Variants in USP6NL observed in about 807,000 individuals in gnomAD.
The protein encoded by USP6NL is USP6 N-terminal like, also known as USP6 N-terminal-like protein.
USP6NL carries 26 observed loss-of-function variants against 61.9 expected under a neutral mutation model. The observed-to-expected ratio is 0.42, with a 90% CI of 0.31 to 0.58. The LOEUF (loss-of-function observed/expected upper bound fraction) is 0.58, where lower values mean the gene tolerates loss of function less well. USP6NL is among the 20% of genes least tolerant of loss of function. The pLI, the probability that USP6NL is intolerant of heterozygous loss-of-function variation, is 0.16. For missense variants in USP6NL, 1,114 were observed against 1,034.3 expected (o/e 1.08, Z -1.06); for synonymous variants, 432 against 390.1 (o/e 1.11, Z -1.27).
At chr10:11,604,815 T>G (rs886251561) in intron 1 of USP6NL, among the ~76,000 whole-genome samples, 9 of 152,182 alleles carry the variant, frequency 5.9e-5, no homozygotes, top group Admixed American at 6.5e-5. Context: ...ATCAGACCCT[T>G]CTACCTAAGA....
chr10:11,487,764 A>C lies in USP6NL; in HGVS notation c.664+1338T>G, dbSNP rs1433985094. Among the ~76,000 whole-genome samples, 2 of 152,192 alleles carry C rather than the reference A, an allele frequency of 1.3e-5. No individual in the cohort carries two copies. Among genetic ancestry groups the C allele is most frequent in the Admixed American group, 1.3e-4 (2 of 15,284 alleles). ...GATATTTGTTAAGTAATTGGCAAGA[A>C]ACACTAAGGGAGAAAGACAAATGCA... On this transcript the variant is annotated intron_variant, in intron 10 of 14. Transcript: ENST00000609104. This position sits in a 1 kb window ranked among gnomAD's most constrained non-coding sequence, Gnocchi z 4.2.
At chr10:11,554,514 C>T (rs1338769384) in intron 2 of USP6NL, among the ~76,000 whole-genome samples, 1 of 152,202 alleles carries the variant, frequency 6.6e-6, no homozygotes, top group Non-Finnish European at 1.5e-5. Context: ...AGCACCCAGA[C>T]TCCAGCTCAG....
At position 11,533,757 on chromosome 10, in the gene USP6NL, T is replaced by G. The variant is rs529816824; in HGVS notation, c.5-6190A>C. On this transcript the variant is annotated intron_variant, in intron 2 of 14. Transcript: ENST00000609104. ...ATCTGTGTTGTTTAAGCCACCAAGT[T>G]TGTGGTAAGTCATGTGCTGTTACAG... Among the ~76,000 whole-genome samples, 10 of 152,318 alleles carry G rather than the reference T, an allele frequency of 6.6e-5. No individual in the cohort carries two copies. In the South Asian group the frequency reaches 1.2e-3, roughly 19 times the overall value.
chr10:11,524,384 G>A (rs1045988533), intron 4 of USP6NL, among the ~76,000 whole-genome samples: 3 of 152,146 alleles, frequency 2.0e-5, no homozygotes, highest in Non-Finnish European at 4.4e-5. Flanking sequence ...AAAAAAGTAT[G>A]TAAACTAATT....
intron 6 of USP6NL, among the ~76,000 whole-genome samples, chr10:11,506,333 C>G (rs1834430797): frequency 6.6e-6 from 1 of 152,160 alleles, no homozygotes; most frequent in Non-Finnish European, 1.5e-5. Context: ...GATAACTTCA[C>G]TTCATAGACT....
Position 11,485,216 on chromosome 10 carries a change from T to G in USP6NL, c.778A>C (p.Thr260Pro). The change falls in exon 12 of 15, where the codon ACA becomes CCA. Residue 260 changes from threonine to proline, a missense_variant. Physicochemically the swap from Thr to Pro is conservative, Grantham distance 38. Coordinates refer to ENST00000609104, the MANE Select transcript of USP6NL (RefSeq NM_014688.5). This position sits in a 1 kb window ranked among gnomAD's most constrained non-coding sequence, Gnocchi z 4.8. ...AACCATTTCATTGTGTAAAAACTTG[T>G]GTAGATTTCTTGAGAATCCTGAAAA... ...KQHLDSQEIY[T>P]SFYTMKWFFQ... is the part of the protein sequence containing the mutation. The G allele has an allele frequency of 6.5e-7, 1 of 1,529,480 alleles. No homozygotes were observed. 94.7% of individuals were successfully genotyped at this position (1,529,480 alleles called of 1,614,324 possible). A position where few individuals can be genotyped will look rare whatever the true frequency, so the allele number is the denominator to read the frequency against.
rs766160066 is a variant in USP6NL at position 11,468,249 on chromosome 10, G to A, written c.1079-4400C>T. ...AAAGTGGAACTACATTTTTCTTATCGCTGCCCTTCAAACACCTGCTTGGCT... is the reference window on the plus strand; with the variant it reads ...AAAGTGGAACTACATTTTTCTTATCACTGCCCTTCAAACACCTGCTTGGCT... On this transcript the variant is annotated intron_variant, in intron 14 of 14. Transcript: ENST00000609104. This position sits in a 1 kb window ranked among gnomAD's most constrained non-coding sequence, Gnocchi z 4.5. Among the ~76,000 whole-genome samples, 7 of 151,886 alleles carry A rather than the reference G, an allele frequency of 4.6e-5. No homozygotes were observed. The highest frequency in any genetic ancestry group is 6.6e-5 in the Admixed American group (1 of 15,260).
chr10:11,550,575 G>A (rs138867769), intron 2 of USP6NL, among the ~76,000 whole-genome samples: 1 of 151,952 alleles, frequency 6.6e-6, no homozygotes, highest in East Asian at 1.9e-4. Flanking sequence ...AGCCAACATG[G>A]TGAAACCCTA....
At chr10:11,555,471 A>AAGAGAGAG (rs1190819331) in intron 2 of USP6NL, among the ~76,000 whole-genome samples, 1 of 62,216 alleles carries the variant, frequency 1.6e-5, no homozygotes, top group African/African-American at 7.1e-5. Context: ...GAGAGAGAGA[A>AAGAGAGAG]AGAGAGAGAG....
At chr10:11,577,868 C>T (rs1308074657) in intron 2 of USP6NL, among the ~76,000 whole-genome samples, 2 of 152,180 alleles carry the variant, frequency 1.3e-5, no homozygotes, top group African/African-American at 4.8e-5. Flanking sequence ...ACATTGTTAA[C>T]ATCTTCCTTA....
chr10:11,472,819 CT>C (rs1021249562), intron 14 of USP6NL, among the ~76,000 whole-genome samples: 2 of 152,080 alleles, frequency 1.3e-5, no homozygotes, highest in African/African-American at 2.4e-5. Flanking sequence ...ATAGGCTTGA[CT>C]TTTTTTCCCA....
Position 11,487,566 on chromosome 10 carries a change from C to T in USP6NL, c.664+1536G>A, listed in dbSNP as rs1466664769. 6.6e-6 allele frequency among the ~76,000 whole-genome samples: 1 copy of T among 152,152 alleles called. No individual in the cohort carries two copies. Among genetic ancestry groups the T allele is most frequent in the Non-Finnish European group, 1.5e-5 (1 of 68,024 alleles). ...TCTATTGTACCTCAAGACAGATCAG[C>T]AACACAATCCCACGGGAAAGCAAAA... On this transcript the variant is annotated intron_variant, in intron 10 of 14. Coordinates refer to ENST00000609104, the MANE Select transcript of USP6NL (RefSeq NM_014688.5). This position sits in a 1 kb window ranked among gnomAD's most constrained non-coding sequence, Gnocchi z 4.2.
chr10:11,558,719 T>G (rs900234689), intron 2 of USP6NL, among the ~76,000 whole-genome samples: 1 of 152,190 alleles, frequency 6.6e-6, no homozygotes, highest in African/African-American at 2.4e-5. Flanking sequence ...CATTTAATCC[T>G]AATGAAATTT....
chr10:11,560,228 T>C lies in USP6NL; in HGVS notation c.5-32661A>G, dbSNP rs565603431. On this transcript the variant is annotated intron_variant, in intron 2 of 14. Transcript: ENST00000609104. Reference sequence around the variant, plus strand: ...ATATATTACATAAACTATCTCCACTTAATGTTCACAGCAACTTCTGAAAGT... The same window carrying C: ...ATATATTACATAAACTATCTCCACTCAATGTTCACAGCAACTTCTGAAAGT... 1.8e-4 allele frequency among the ~76,000 whole-genome samples: 27 copies of C among 152,304 alleles called. No individual in the cohort carries two copies. In the East Asian group the frequency reaches 5.0e-3, roughly 28 times the overall value.
rs1423664622 is a variant in USP6NL at position 11,478,600 on chromosome 10, T to G, written c.1078+3170A>C. ...AATAATATAAAATAATGAGGGGACATTTGCCCTAATAGATATGCAAAGTGT... is the reference window on the plus strand; with the variant it reads ...AATAATATAAAATAATGAGGGGACAGTTGCCCTAATAGATATGCAAAGTGT... On this transcript the variant is annotated intron_variant, in intron 14 of 14. Coordinates refer to ENST00000609104, the MANE Select transcript of USP6NL (RefSeq NM_014688.5). This position sits in a 1 kb window ranked among gnomAD's most constrained non-coding sequence, Gnocchi z 6.8. Among the ~76,000 whole-genome samples the G allele has an allele frequency of 6.6e-6, 1 of 152,140 alleles. No individual in the cohort carries two copies. The highest frequency in any genetic ancestry group is 2.4e-5 in the African/African-American group (1 of 41,438).
At chr10:11,550,402 A>G (rs1397754050) in intron 2 of USP6NL, among the ~76,000 whole-genome samples, 2 of 152,210 alleles carry the variant, frequency 1.3e-5, no homozygotes, top group East Asian at 3.8e-4. Context: ...GAATTCTTAC[A>G]ACCCAGTAAG....
intron 2 of USP6NL, among the ~76,000 whole-genome samples, chr10:11,590,145 A>C (rs781393262): frequency 3.3e-4 from 51 of 152,334 alleles, no homozygotes; most frequent in Middle Eastern, 3.4e-3. Flanking sequence ...ATAAGGGAAG[A>C]CATTTTCACT....
chr10:11,513,950 T>G lies in USP6NL; in HGVS notation c.196-4275A>C. Among the ~76,000 whole-genome samples, 1 of 152,342 alleles carries G rather than the reference T, an allele frequency of 6.6e-6. No individual in the cohort carries two copies. Among genetic ancestry groups the G allele is most frequent in the African/African-American group, 2.4e-5 (1 of 41,582 alleles). ...GGCCACACTATCTGGCTTTGTGTGATTGGCTCCTCTGGATTTCAGCAGGAT... is the reference window on the plus strand; with the variant it reads ...GGCCACACTATCTGGCTTTGTGTGAGTGGCTCCTCTGGATTTCAGCAGGAT... On this transcript the variant is annotated intron_variant, in intron 5 of 14. Transcript: ENST00000609104. This position sits in a 1 kb window ranked among gnomAD's most constrained non-coding sequence, Gnocchi z 4.7.
intron 2 of USP6NL, among the ~76,000 whole-genome samples, chr10:11,583,345 G>A (rs1420704598): frequency 6.8e-6 from 1 of 147,462 alleles, no homozygotes; most frequent in Admixed American, 6.9e-5. Flanking sequence ...CCGCCACTGT[G>A]GCCGGCTAAA....
Sources: gnomAD v4.1 joint callset for allele counts (sites outside exome capture counted in the v4.1 genomes callset) on GRCh38, gnomAD v4.1.1 for gene constraint, Gnocchi (gnomAD v3.1) non-coding constraint, MANE v1.5 for transcripts, NCBI Gene and HGNC (gene_info 2026-07-23, HGNC 2026-07-21) for gene names.